Variants in THSD7A observed in about 807,000 individuals in gnomAD.
THSD7A encodes the protein thrombospondin type-1 domain-containing protein 7A.
A neutral mutation model predicts 231.3 loss-of-function variants in THSD7A; 96 were observed. That is an observed-to-expected ratio of 0.41 (90% confidence interval 0.35 to 0.49). The LOEUF (loss-of-function observed/expected upper bound fraction) is 0.49, where lower values mean the gene tolerates loss of function less well. Ranked by LOEUF, THSD7A falls within the 20% of genes least tolerant of loss-of-function variation. The probability of loss-of-function intolerance (pLI) is 0.05; values close to 1 mark genes in which losing one functional copy is unlikely to be tolerated. For missense variants in THSD7A, 2,290 were observed against 2,070.2 expected, an observed-to-expected ratio of 1.11 and a Z score of -2.06; for synonymous variants, 940 against 743.3, an observed-to-expected ratio of 1.26 and a Z score of -4.30.
intron 1 of THSD7A, among the ~76,000 whole-genome samples, chr7:11,748,857 T>C (rs943383848): frequency 6.6e-6 from 1 of 152,060 alleles, no homozygotes; most frequent in Non-Finnish European, 1.5e-5. Context: ...CACGTTGTTA[T>C]AGTAAAATAA....
chr7:11,563,625 G>C (rs540086124), intron 4 of THSD7A, among the ~76,000 whole-genome samples: 2 of 152,144 alleles, frequency 1.3e-5, no homozygotes, highest in Admixed American at 6.5e-5. Context: ...GCCTTCCAAA[G>C]TGCTGGGACA....
At chr7:11,718,544 C>CATT (rs1196940810) in intron 1 of THSD7A, among the ~76,000 whole-genome samples, 3 of 151,614 alleles carry the variant, frequency 2.0e-5, no homozygotes, top group Non-Finnish European at 4.4e-5. Flanking sequence ...TAGTGTCTAC[C>CATT]ATTAAACAGT....
intron 1 of THSD7A, among the ~76,000 whole-genome samples, chr7:11,774,263 T>C (rs1218245675): frequency 2.6e-5 from 4 of 152,182 alleles, no homozygotes; most frequent in African/African-American, 9.7e-5. Flanking sequence ...TATGATTCCA[T>C]TTATATAAGG....
At chr7:11,650,304 C>A (rs932601346) in intron 1 of THSD7A, among the ~76,000 whole-genome samples, 3 of 151,994 alleles carry the variant, frequency 2.0e-5, no homozygotes, top group African/African-American at 7.2e-5. Context: ...ACGTCTCCTG[C>A]ATCTTCTGAA....
At chr7:11,487,270 T>C (rs1583833593) in intron 6 of THSD7A, among the ~76,000 whole-genome samples, 1 of 152,116 alleles carries the variant, frequency 6.6e-6, no homozygotes, top group East Asian at 1.9e-4. Context: ...AGATAATTAC[T>C]ATAAAAATTC....
chr7:11,593,838 T>G (rs1780261504), intron 2 of THSD7A, among the ~76,000 whole-genome samples: 1 of 152,248 alleles, frequency 6.6e-6, no homozygotes, highest in African/African-American at 2.4e-5. Context: ...AACCAAGAAC[T>G]GTTAACATAT....
intron 1 of THSD7A, among the ~76,000 whole-genome samples, chr7:11,771,806 T>A (rs533401149): frequency 7.2e-4 from 109 of 152,284 alleles, no homozygotes; most frequent in African/African-American, 2.5e-3. Context: ...TGGCGGTAGA[T>A]CTTTCATGAA....
chr7:11,747,872 TG>T (rs1782362438), intron 1 of THSD7A, among the ~76,000 whole-genome samples: 2 of 151,806 alleles, frequency 1.3e-5, no homozygotes, highest in Non-Finnish European at 2.9e-5. Flanking sequence ...GAGATCAAAG[TG>T]TATAAAAAGG....
chr7:11,821,224 TG>T, intron 1 of THSD7A: 1 of 1,187,702 alleles, frequency 8.4e-7, no homozygotes, highest in Non-Finnish European at 1.3e-6. Flanking sequence ...CACTATATGT[TG>T]GGCTAACAGT....
chr7:11,439,873 G>C lies in THSD7A; in HGVS notation c.3064+6188C>G, dbSNP rs538788389. 6.6e-5 allele frequency among the ~76,000 whole-genome samples: 10 copies of C among 152,128 alleles called. No homozygotes were observed. In the South Asian group the frequency reaches 1.2e-3, roughly 19 times the overall value. On this transcript the variant is annotated intron_variant, in intron 13 of 27. Transcript: ENST00000423059. ...CAAGTTATCTCAAATATCTAGTTAA[G>C]GTAATAGATTAAGATGACTACATTA... is the stretch of plus-strand genomic sequence containing the variant.
At chr7:11,817,566 A>G (rs915046539) in intron 1 of THSD7A, among the ~76,000 whole-genome samples, 4 of 152,188 alleles carry the variant, frequency 2.6e-5, no homozygotes, top group Non-Finnish European at 5.9e-5. Context: ...GAATCAAAGT[A>G]AAAAAGGAAA....
At chr7:11,635,720 A>G (rs1174702239) in intron 2 of THSD7A, among the ~76,000 whole-genome samples, 2 of 152,090 alleles carry the variant, frequency 1.3e-5, no homozygotes, top group African/African-American at 4.8e-5. Context: ...AATTCTGAAA[A>G]TGCTGTCTTG....
At chr7:11,482,786 T>G (rs1286905094) in intron 6 of THSD7A, among the ~76,000 whole-genome samples, 4 of 152,152 alleles carry the variant, frequency 2.6e-5, no homozygotes, top group African/African-American at 4.8e-5. Flanking sequence ...CCCTTGACAC[T>G]CTAGAGATTG....
At chr7:11,682,425 G>C (rs1488771266) in intron 1 of THSD7A, among the ~76,000 whole-genome samples, 1 of 151,674 alleles carries the variant, frequency 6.6e-6, no homozygotes, top group Non-Finnish European at 1.5e-5. Context: ...CACGGAAACT[G>C]AAAACAAAAA....
At chr7:11,538,413 AAT>A (rs1789003438) in intron 6 of THSD7A, among the ~76,000 whole-genome samples, 1 of 152,198 alleles carries the variant, frequency 6.6e-6, no homozygotes, top group African/African-American at 2.4e-5. Flanking sequence ...AGTAAGGAAT[AAT>A]ACTTTTTTCC....
At chr7:11,604,321 C>T (rs924784988) in intron 2 of THSD7A, among the ~76,000 whole-genome samples, 2 of 151,972 alleles carry the variant, frequency 1.3e-5, no homozygotes, top group African/African-American at 4.8e-5. Context: ...ACAGGCAATC[C>T]ATCATTGAAT....
intron 1 of THSD7A, among the ~76,000 whole-genome samples, chr7:11,675,103 G>A (rs887679318): frequency 1.3e-5 from 2 of 152,052 alleles, no homozygotes; most frequent in African/African-American, 4.8e-5. Context: ...GAAAGTGGGT[G>A]CAGCCCATGG....
intron 11 of THSD7A, among the ~76,000 whole-genome samples, chr7:11,457,643 C>T (rs62438190): frequency 9.2e-5 from 14 of 152,052 alleles, no homozygotes; most frequent in Non-Finnish European, 1.9e-4. Flanking sequence ...TACCACTTAT[C>T]GAACAAGGTC....
intron 23 of THSD7A, among the ~76,000 whole-genome samples, chr7:11,389,504 C>T (rs1782899140): frequency 7.7e-6 from 1 of 129,336 alleles, no homozygotes; most frequent in East Asian, 2.6e-4. Flanking sequence ...TATTTTGAGC[C>T]TATGTGTGTC....
Sources: gnomAD v4.1 joint callset for allele counts (sites outside exome capture counted in the v4.1 genomes callset) on GRCh38, gnomAD v4.1.1 for gene constraint, MANE v1.5 for transcripts, NCBI Gene and HGNC (gene_info 2026-07-23, HGNC 2026-07-21) for gene names.